The following TCF25 variants were observed in gnomAD, a reference collection of about 807,000 sequenced individuals.
TCF25 encodes TCF25 ribosome quality control complex subunit, also known as ribosome quality control complex subunit TCF25.
In TCF25, 41 loss-of-function variants were observed where a neutral mutation model predicts 83.1. That is an observed-to-expected ratio of 0.49 (90% CI 0.38 to 0.64). TCF25 has a LOEUF of 0.64. TCF25 is among the 30% of genes least tolerant of loss of function. The pLI is 0.00. For synonymous variants in TCF25, 458 were observed against 365.0 expected, an observed-to-expected ratio of 1.25 and a Z score of -2.90; for missense variants, 979 against 914.5, an observed-to-expected ratio of 1.07 and a Z score of -0.91.
intron 6 of TCF25, 144 bp from the exon 7 acceptor site, chr16:89,893,584 G>A (rs1458584500): frequency 1.5e-6 from 2 of 1,305,034 alleles, no homozygotes; most frequent in African/African-American, 2.9e-5. Flanking sequence ...TCCGGAGCTG[G>A]TGACACCCAT....
At chr16:89,900,878 T>C in intron 12 of TCF25, 84 bp downstream of exon 12, 1 of 1,338,658 alleles carries the variant, frequency 7.5e-7, no homozygotes, top group Non-Finnish European at 9.9e-7. Context: ...GGAGGCCAGG[T>C]CCCAGTCCTT....
At chr16:89,905,599 G>C (rs2044708787) in intron 14 of TCF25, among the ~76,000 whole-genome samples, 1 of 152,216 alleles carries the variant, frequency 6.6e-6, no homozygotes. Context: ...GCAGTGGTGT[G>C]GCCAGGCTCA....
At chr16:89,904,453 C>T (rs961717677) in intron 13 of TCF25, 12 of 562,670 alleles carry the variant, frequency 2.1e-5, no homozygotes, top group East Asian at 6.1e-5. Context: ...GGGTGCCAGG[C>T]GTGGCGGCAC....
rs140299028 is a variant in TCF25 at position 89,905,045 on chromosome 16, T to C, written c.1577T>C (p.Val526Ala). ...MSWLEENVHE[V>A]LQAVDAGDPA... is the part of the protein sequence containing the mutation. The stretch of plus-strand genomic sequence containing the variant: ...TGGCTGGAGGAGAACGTCCACGAGG[T>C]TCTGCAAGCAGTGGACGCCGGGGAC... The change falls in exon 14 of 18, where the codon GTT becomes GCT. Residue 526 changes from valine (V) to alanine (A), a missense_variant. Transcript: ENST00000263346. The C allele has an allele frequency of 6.2e-6, 10 of 1,603,306 alleles. No homozygotes were observed. The highest frequency in any genetic ancestry group is 8.5e-6 in the Non-Finnish European group (10 of 1,175,672).
At chr16:89,895,739 T>A (rs2043801161) in intron 8 of TCF25, among the ~76,000 whole-genome samples, 1 of 152,268 alleles carries the variant, frequency 6.6e-6, no homozygotes, top group African/African-American at 2.4e-5. Context: ...CGCCTGGTTC[T>A]GTCAGGACGT....
Position 89,911,197 on chromosome 16 carries a change from C to A in TCF25, c.1990C>A (p.Pro664Thr). The A allele has an allele frequency of 6.2e-7, 1 of 1,612,468 alleles. No homozygotes were observed. Among genetic ancestry groups the A allele is most frequent in the Non-Finnish European group, 8.5e-7 (1 of 1,179,958 alleles). Residue 664 changes from proline (P) to threonine (T), a missense_variant, in exon 18 of 18, where the codon CCG (proline) becomes ACG (threonine). Physicochemically the swap from Pro to Thr is conservative, Grantham distance 38 (BLOSUM62 -1). Transcript: ENST00000263346. ...ANFHLNDLEA[P>T]HEDDAEGEGE... Reference sequence around the variant, plus strand: ...CTTCCACCTCAACGACCTGGAGGCGCCGCACGAGGACGACGCTGAGGGGGA... The same window carrying A: ...CTTCCACCTCAACGACCTGGAGGCGACGCACGAGGACGACGCTGAGGGGGA...
intron 1 of TCF25, among the ~76,000 whole-genome samples, chr16:89,875,302 C>T (rs895879031): frequency 6.6e-6 from 1 of 152,074 alleles, no homozygotes; most frequent in Non-Finnish European, 1.5e-5. Flanking sequence ...TTTGTGACAA[C>T]CTGTTTATAT....
intron 6 of TCF25, 116 bp downstream of exon 6, chr16:89,892,391 C>T (rs2043498472): frequency 2.0e-5 from 6 of 303,364 alleles, no homozygotes; most frequent in African/African-American, 2.4e-5. Flanking sequence ...TGGAGGGCGG[C>T]GGGGGGGTGT....
chr16:89,911,071 T>C lies in TCF25; in HGVS notation c.1873-9T>C, dbSNP rs1567751250. On this transcript the variant is annotated splice_polypyrimidine_tract_variant and intron_variant, in intron 17 of 17. Coordinates refer to ENST00000263346, the MANE Select transcript of TCF25 (RefSeq NM_014972.3). ...CAGCCCCCTTCTCAGACATGTCCCC[T>C]TGCTGCAGGGGGAGAGGCCCGAGGA... 2 of 1,610,482 alleles carry C rather than the reference T, an allele frequency of 1.2e-6. No individual in the cohort carries two copies. The highest frequency in any genetic ancestry group is 1.7e-5 in the Admixed American group (1 of 59,998).
At chr16:89,896,723 T>G (rs2043886133) in intron 9 of TCF25, among the ~76,000 whole-genome samples, 1 of 151,992 alleles carries the variant, frequency 6.6e-6, no homozygotes, top group Admixed American at 6.6e-5. Flanking sequence ...CTGGCTAATT[T>G]TTTGTATTTT....
rs1567735961 is a variant in TCF25 at position 89,905,107 on chromosome 16, G to A, written c.1628+11G>A. On this transcript the variant is annotated intron_variant, in intron 14 of 17. Transcript: ENST00000263346. ...AGCCTGTGAGAACCGGTGAGCTAGG[G>A]GTTGACACAAGCCCTGCCACGCCCC... 6.3e-7 allele frequency: 1 copy of A among 1,579,686 alleles called. No homozygotes were observed. Among genetic ancestry groups the A allele is most frequent in the Admixed American group, 1.8e-5 (1 of 56,306 alleles).
At position 89,886,088 on chromosome 16, in the gene TCF25, C is replaced by G. The variant is rs759582467; in HGVS notation, c.548+122C>G. 3 of 763,306 alleles carry G rather than the reference C, an allele frequency of 3.9e-6. No homozygotes were observed. The South Asian group carries it at 4.3e-5, about 11-fold the overall frequency. The allele number at this position is 763,306 out of a possible 1,614,324, so 47.3% of individuals were successfully genotyped here. ...AGAGACTTCGTGGGAGGAAAAGGTT[C>G]TCTAAAAAAGGAAAAATAAAATGTA... On this transcript the variant is annotated intron_variant, in intron 4 of 17. Coordinates refer to ENST00000263346, the MANE Select transcript of TCF25 (RefSeq NM_014972.3).
Position 89,911,237 on chromosome 16 carries a change from G to A in TCF25, c.2030G>A (p.Ter677=). ...DDAEGEGEWD[*] ...GCTGAGGGGGAGGGGGAGTGGGACT[G>A]AGCGTCCGCAGAGGTGACCGAAAAG... Residue 677 remains the stop codon, a stop_retained_variant, in exon 18 of 18, where the codon TGA becomes TAA. Transcript: ENST00000263346. 1.2e-6 allele frequency: 2 copies of A among 1,612,380 alleles called. No homozygotes were observed. Among genetic ancestry groups the A allele is most frequent in the Non-Finnish European group, 1.7e-6 (2 of 1,179,924 alleles).
At chr16:89,880,073 C>T (rs139925713) in intron 1 of TCF25, among the ~76,000 whole-genome samples, 13 of 152,064 alleles carry the variant, frequency 8.5e-5, no homozygotes, top group Non-Finnish European at 1.8e-4. Flanking sequence ...GCCTGTCACA[C>T]GTGTTGTCCA....
rs185915779 is a variant in TCF25, at chr16:89,884,673, T to G, written c.429+17T>G. The G allele has an allele frequency of 7.9e-5, 127 of 1,609,176 alleles. No homozygotes were observed. In the African/African-American group the frequency reaches 1.7e-3, roughly 21 times the overall value. On this transcript the variant is annotated intron_variant, in intron 3 of 17. Coordinates refer to ENST00000263346, the MANE Select transcript of TCF25 (RefSeq NM_014972.3). Reference sequence around the variant, plus strand: ...GAAGCATCGGTACGTGAGTTGGGCCTGGCTGTGCTCTGTCCCTCTGCCTGA... The same window carrying G: ...GAAGCATCGGTACGTGAGTTGGGCCGGGCTGTGCTCTGTCCCTCTGCCTGA...
intron 10 of TCF25, 23 bp downstream of exon 10, chr16:89,898,672 GC>G (rs770918518): frequency 6.2e-7 from 1 of 1,612,192 alleles, no homozygotes; most frequent in Non-Finnish European, 8.5e-7. Flanking sequence ...TCAGGGCCAA[GC>G]CCGTCCACGC....
Position 89,907,302 on chromosome 16 carries a change from C to G in TCF25, c.1779C>G (p.Tyr593Ter). 6.2e-7 allele frequency: 1 copy of G among 1,612,712 alleles called. No homozygotes were observed. The highest frequency in any genetic ancestry group is 1.3e-5 in the African/African-American group (1 of 74,888). ...FDPLPPSDTI[Y>*]SYVRPERLSP... ...CTCTGCCTCCTTCGGACACAATCTA[C>G]TCCTACGTCAGGCCAGAGAGGTACC... is the stretch of plus-strand genomic sequence containing the variant. Residue 593 changes from tyrosine to a stop codon, truncating the protein, a stop_gained, in exon 16 of 18, where the codon TAC (tyrosine) becomes TAG (stop). Transcript: ENST00000263346. LOFTEE classifies it high-confidence loss of function.
At chr16:89,910,360 G>C in intron 16 of TCF25, 1 of 569,288 alleles carries the variant, frequency 1.8e-6, no homozygotes, top group Non-Finnish European at 3.1e-6. Context: ...CAGCTGAGTT[G>C]GTCTCCCTCA....
rs759352877 is a variant in TCF25, at chr16:89,893,764, T to C, written c.734T>C (p.Leu245Pro). Residue 245 changes from leucine (L) to proline (P), a missense_variant, in exon 7 of 18, where the codon CTC becomes CCC. Coordinates refer to ENST00000263346, the MANE Select transcript of TCF25 (RefSeq NM_014972.3). ...CGGCTGCTGGAATCAAAAAAAGGCC[T>C]CTCCTTCTTTGCGTTTGAGCACAGT... ...SMRLLESKKG[L>P]SFFAFEHSEE... The C allele has an allele frequency of 6.2e-7, 1 of 1,613,894 alleles. No homozygotes were observed. The highest frequency in any genetic ancestry group is 1.1e-5 in the South Asian group (1 of 91,048).
Sources: allele counts gnomAD v4.1 joint callset (sites outside exome capture counted in the v4.1 genomes callset), GRCh38; gene constraint gnomAD v4.1.1; transcripts MANE v1.5; gene names NCBI Gene and HGNC (gene_info 2026-07-23, HGNC 2026-07-21).